The following TMEM62 variants were observed in gnomAD, a reference collection of about 807,000 sequenced individuals.
TMEM62 encodes the protein transmembrane protein 62.
In TMEM62, 41 loss-of-function variants were observed where a neutral mutation model predicts 70.4. The ratio of observed to expected loss-of-function variants is 0.58; its 90% CI spans 0.45 to 0.76. The LOEUF (loss-of-function observed/expected upper bound fraction) is 0.76, where lower values mean the gene tolerates loss of function less well. Ranked by LOEUF, TMEM62 falls within the 30% of genes least tolerant of loss-of-function variation. The pLI is 0.00. For synonymous variants in TMEM62, 268 were observed against 291.0 expected (o/e 0.92, Z 0.80); for missense variants, 688 against 788.5 (o/e 0.87, Z 1.53).
chr15:43,145,927 C>T (rs1596233697), intron 4 of TMEM62, among the ~76,000 whole-genome samples: 1 of 152,160 alleles, frequency 6.6e-6, no homozygotes, highest in East Asian at 1.9e-4. Context: ...ACACTGTTGA[C>T]GCTTAAGGTG....
At chr15:43,170,198 C>T (rs1382706205) in intron 11 of TMEM62, among the ~76,000 whole-genome samples, 9 of 152,158 alleles carry the variant, frequency 5.9e-5, no homozygotes, top group Non-Finnish European at 1.5e-5. Context: ...CTTATGATCT[C>T]TATTTTAACA....
intron 11 of TMEM62, among the ~76,000 whole-genome samples, chr15:43,170,556 AG>A (rs1375417537): frequency 1.3e-5 from 2 of 150,850 alleles, no homozygotes; most frequent in Non-Finnish European, 2.9e-5. Flanking sequence ...TTCAAAGCTC[AG>A]TTTTCCTAAG....
At chr15:43,162,409 A>G (rs1227480792) in intron 10 of TMEM62, among the ~76,000 whole-genome samples, 1 of 145,172 alleles carries the variant, frequency 6.9e-6, no homozygotes, top group East Asian at 2.0e-4. Context: ...CTGGGACTAC[A>G]GGCGTGAGCC....
At chr15:43,149,623 T>C (rs776720507) in intron 7 of TMEM62, among the ~76,000 whole-genome samples, 46 of 152,224 alleles carry the variant, frequency 3.0e-4, no homozygotes, top group Non-Finnish European at 5.9e-4. Context: ...GGTTTCACCA[T>C]GTTTGCCAGG....
intron 10 of TMEM62, among the ~76,000 whole-genome samples, chr15:43,167,887 C>T (rs1366365800): frequency 6.6e-6 from 1 of 152,074 alleles, no homozygotes. Flanking sequence ...CTCGGGAGGC[C>T]GAGGCTGGCG....
intron 13 of TMEM62, 114 bp downstream of exon 13, chr15:43,181,413 C>A: frequency 1.4e-6 from 1 of 722,252 alleles, no homozygotes. Context: ...ATCTTTCCTA[C>A]TTTACTTGCA....
chr15:43,159,329 TATTC>T (rs1180399680), intron 9 of TMEM62, among the ~76,000 whole-genome samples: 1 of 152,220 alleles, frequency 6.6e-6, no homozygotes, highest in African/African-American at 2.4e-5. Flanking sequence ...TAGTAGGTCT[TATTC>T]ATTCTTTTTA....
chr15:43,172,423 A>G (rs1341231220), intron 11 of TMEM62, among the ~76,000 whole-genome samples: 1 of 152,224 alleles, frequency 6.6e-6, no homozygotes, highest in Non-Finnish European at 1.5e-5. Flanking sequence ...TCGGGTGTTC[A>G]CCTAAGTAGA....
chr15:43,170,682 G>A (rs993591691), intron 11 of TMEM62, among the ~76,000 whole-genome samples: 1 of 152,214 alleles, frequency 6.6e-6, no homozygotes, highest in South Asian at 2.1e-4. Context: ...AAACCTTCCT[G>A]AAGTGTGATT....
In TMEM62 at chr15:43,178,627, C is replaced by A. The variant is rs1035328499; in HGVS notation, c.1402C>A (p.Leu468Met). The A allele has an allele frequency of 1.9e-6, 3 of 1,610,916 alleles. No homozygotes were observed. The highest frequency in any genetic ancestry group is 2.7e-5 in the African/African-American group (2 of 74,950). ...ELKEPSGFIN[L>M]TSFSLHVLSK... ...TTTAGAACCTTCAGGGTTTATAAAT[C>A]TGACCTCATTTTCTCTTCATGTCTT... The change falls in exon 12 of 14, where the codon CTG becomes ATG. Residue 468 changes from leucine (L) to methionine (M), a missense_variant. Leu to Met is a conservative substitution (Grantham distance 15). Transcript: ENST00000260403.
intron 4 of TMEM62, among the ~76,000 whole-genome samples, chr15:43,142,951 T>C (rs1252935261): frequency 6.6e-6 from 1 of 152,242 alleles, no homozygotes; most frequent in Non-Finnish European, 1.5e-5. Context: ...GTAACAGGCG[T>C]GAGCCACCAT....
chr15:43,182,229 G>C (rs936726323), intron 13 of TMEM62, among the ~76,000 whole-genome samples: 2 of 152,158 alleles, frequency 1.3e-5, no homozygotes, highest in Non-Finnish European at 2.9e-5. Context: ...AATGGAGTTA[G>C]TGGACCAAAA....
At chr15:43,178,481 A>G in intron 11 of TMEM62, 126 bp from the exon 12 acceptor site, 1 of 607,682 alleles carries the variant, frequency 1.6e-6, no homozygotes, top group South Asian at 2.3e-5. Context: ...TCATCTGTAT[A>G]GTTACCATCT....
In TMEM62 at chr15:43,184,172, C is replaced by A. The variant is rs1463504471; in HGVS notation, c.1606-88C>A. 7 of 1,162,876 alleles carry A rather than the reference C, an allele frequency of 6.0e-6. No individual in the cohort carries two copies. In the African/African-American group the frequency reaches 6.2e-5, roughly 10 times the overall value. 72.0% of individuals were successfully genotyped at this position (1,162,876 alleles called of 1,614,324 possible). ...TAGCTAACGCCAAGACAGATAGCAGCATAGTCTTAGGATCCACTAATAATG... is the reference window on the plus strand; with the variant it reads ...TAGCTAACGCCAAGACAGATAGCAGAATAGTCTTAGGATCCACTAATAATG... On this transcript the variant is annotated intron_variant, in intron 13 of 13. Transcript: ENST00000260403.
intron 12 of TMEM62, among the ~76,000 whole-genome samples, chr15:43,179,192 G>A (rs1173034788): frequency 6.6e-6 from 1 of 152,014 alleles, no homozygotes; most frequent in African/African-American, 2.4e-5. Context: ...GAGTCCAGGA[G>A]GTCAAATCCA....
chr15:43,162,201 G>A (rs967244759), intron 10 of TMEM62, among the ~76,000 whole-genome samples: 2 of 150,686 alleles, frequency 1.3e-5, no homozygotes, highest in African/African-American at 2.4e-5. Context: ...ACAGCAGTGC[G>A]ATCTTGGCTC....
chr15:43,151,736 T>A (rs1441768203), intron 7 of TMEM62, 54 bp from the exon 8 acceptor site: 6 of 1,527,146 alleles, frequency 3.9e-6, no homozygotes, highest in Non-Finnish European at 5.4e-6. Flanking sequence ...ATTACCTTCA[T>A]GACCTCTTAC....
At chr15:43,171,326 ACT>A (rs2040165021) in intron 11 of TMEM62, among the ~76,000 whole-genome samples, 2 of 149,632 alleles carry the variant, frequency 1.3e-5, no homozygotes, top group Non-Finnish European at 3.0e-5. Context: ...ACAGAGCGAG[ACT>A]CTGTCCTTAA....
intron 4 of TMEM62, among the ~76,000 whole-genome samples, chr15:43,141,936 T>C (rs749271690): frequency 1.3e-5 from 2 of 152,228 alleles, no homozygotes; most frequent in African/African-American, 4.8e-5. Flanking sequence ...TGCAATCTTA[T>C]GATAAAACTT....
Sources: gnomAD v4.1 joint callset for allele counts (sites outside exome capture counted in the v4.1 genomes callset) on GRCh38, gnomAD v4.1.1 for gene constraint, MANE v1.5 for transcripts, NCBI Gene and HGNC (gene_info 2026-07-23, HGNC 2026-07-21) for gene names.